Variants in NR1I2 observed in about 807,000 individuals in gnomAD.
NR1I2 encodes the protein nuclear receptor subfamily 1 group I member 2.
A neutral mutation model predicts 43.3 loss-of-function variants in NR1I2; 42 were observed. That is an observed-to-expected ratio of 0.97 (90% CI 0.76 to 1.26). The LOEUF (loss-of-function observed/expected upper bound fraction) is 1.26. Among genes scored for constraint, NR1I2 ranks in the 50% most tolerant of loss-of-function variants. The probability of loss-of-function intolerance (pLI) is 0.00; values close to 1 mark genes in which losing one functional copy is unlikely to be tolerated. For synonymous variants in NR1I2, 229 were observed against 215.0 expected (o/e 1.06, Z -0.57); for missense variants, 559 against 566.7 (o/e 0.99, Z 0.14).
At chr3:119,809,560 G>A (rs879817450) in intron 2 of NR1I2, among the ~76,000 whole-genome samples, 1 of 138,764 alleles carries the variant, frequency 7.2e-6, no homozygotes, top group Non-Finnish European at 1.6e-5. Flanking sequence ...GGGGAAGGCG[G>A]GGGGGAAGGC....
chr3:119,813,098 G>C (rs899403959), intron 5 of NR1I2, 138 bp downstream of exon 5: 12 of 980,588 alleles, frequency 1.2e-5, no homozygotes, highest in Non-Finnish European at 1.7e-5. Flanking sequence ...CTTTCCCCGG[G>C]CAGCCAGTGC....
intron 1 of NR1I2, among the ~76,000 whole-genome samples, chr3:119,793,093 G>A (rs1355685613): frequency 6.6e-6 from 1 of 151,988 alleles, no homozygotes; most frequent in Non-Finnish European, 1.5e-5. Context: ...ATGCCGGCTC[G>A]CACTTCACCT....
At position 119,815,388 on chromosome 3, in the gene NR1I2, C is replaced by T. The variant is rs758314203; in HGVS notation, c.1003C>T (p.Leu335=). Residue 335 remains leucine, a synonymous_variant, in exon 7 of 9, where the codon CTG becomes TTG. Coordinates refer to ENST00000393716, the MANE Select transcript of NR1I2 (RefSeq NM_003889.4). Reference sequence around the variant, plus strand: ...CCACTACATGCTGAAGAAGCTGCAGCTGCATGAGGAGGAGTATGTGCTGAT... The same window carrying T: ...CCACTACATGCTGAAGAAGCTGCAGTTGCATGAGGAGGAGTATGTGCTGAT... 1.7e-5 allele frequency: 28 copies of T among 1,613,734 alleles called. No homozygotes were observed. Among genetic ancestry groups the T allele is most frequent in the Non-Finnish European group, 2.3e-5 (27 of 1,180,022 alleles).
chr3:119,805,734 A>T (rs1217747968), intron 1 of NR1I2, among the ~76,000 whole-genome samples: 1 of 139,912 alleles, frequency 7.1e-6, no homozygotes, highest in Non-Finnish European at 1.6e-5. Context: ...AAAAGAAAAG[A>T]AAAGAAAAAA....
At chr3:119,794,332 A>G (rs555425408) in intron 1 of NR1I2, among the ~76,000 whole-genome samples, 7 of 151,738 alleles carry the variant, frequency 4.6e-5, no homozygotes, top group African/African-American at 1.7e-4. Context: ...AGCTGGGACC[A>G]CAGGTACGTG....
chr3:119,797,364 G>A (rs1455984575), intron 1 of NR1I2, among the ~76,000 whole-genome samples: 1 of 152,100 alleles, frequency 6.6e-6, no homozygotes, highest in African/African-American at 2.4e-5. Flanking sequence ...AGAGCTCAGT[G>A]GGCCAGGCAG....
At position 119,815,092 on chromosome 3, in the gene NR1I2, G is replaced by A. The variant is rs778054838; in HGVS notation, c.908G>A (p.Arg303Gln). ...GAGACTGGAACCTGGGAGTGTGGCC[G>A]GCTGTCCTACTGCTTGGAAGACACT... Residue 303 changes from arginine (R) to glutamine (Q), a missense_variant, in exon 6 of 9, where the codon CGG becomes CAG. Around this residue, in one of 3 missense-constraint regions of NR1I2, gnomAD observed 323 missense variants for 312.2 expected, o/e 1.03. Coordinates refer to ENST00000393716, the MANE Select transcript of NR1I2 (RefSeq NM_003889.4). 2.7e-5 allele frequency: 43 copies of A among 1,614,006 alleles called. No homozygotes were observed. The highest frequency in any genetic ancestry group is 1.5e-4 in the South Asian group (14 of 91,082).
In NR1I2 at chr3:119,818,227, G is replaced by T; in HGVS notation, c.*1015G>T. The T allele has an allele frequency of 2.0e-6, 2 of 985,728 alleles. No homozygotes were observed. Among genetic ancestry groups the T allele is most frequent in the Non-Finnish European group, 2.4e-6 (2 of 830,028 alleles). 61.1% of individuals were successfully genotyped at this position (985,728 alleles called of 1,614,324 possible). On this transcript the variant is annotated 3_prime_UTR_variant, in exon 9 of 9. Coordinates refer to ENST00000393716, the MANE Select transcript of NR1I2 (RefSeq NM_003889.4). ...TGGGTATGCTCTGTGACAAGGCTAC[G>T]CTGACAATCAGTTAAACACACCGGA...
intron 1 of NR1I2, chr3:119,792,505 C>T (rs1210844280): frequency 1.9e-6 from 2 of 1,077,734 alleles, no homozygotes; most frequent in Non-Finnish European, 2.8e-6. Flanking sequence ...CTTGGAACAT[C>T]ACCAATCTGC....
chr3:119,806,119 GGTGTCTGCC>G (rs756148011), intron 1 of NR1I2, among the ~76,000 whole-genome samples: 2 of 152,176 alleles, frequency 1.3e-5, no homozygotes, highest in Non-Finnish European at 2.9e-5. Context: ...CATCTGTGGT[GGTGTCTGCC>G]CTTGTCAGTC....
chr3:119,798,649 A>AAG (rs1553717560), intron 1 of NR1I2, among the ~76,000 whole-genome samples: 3 of 151,436 alleles, frequency 2.0e-5, no homozygotes, highest in Admixed American at 6.6e-5. Context: ...CAAAAAAAAA[A>AAG]AAAAAGAAAA....
chr3:119,811,560 TG>T lies in NR1I2; in HGVS notation c.355del (p.Glu119ArgfsTer6). 6.2e-7 allele frequency: 1 copy of T among 1,613,148 alleles called. No homozygotes were observed. The highest frequency in any genetic ancestry group is 1.3e-5 in the African/African-American group (1 of 74,934). ...GCAGTGATCATGTCCGACGAGGCCG[TG>T]GAGGAGAGGCGGGCCTTGATCAAGC... On this transcript the variant is annotated frameshift_variant, in exon 4 of 9. Coordinates refer to ENST00000393716, the MANE Select transcript of NR1I2 (RefSeq NM_003889.4). LOFTEE classifies it high-confidence loss of function.
At chr3:119,783,688 T>C (rs576872666) in intron 1 of NR1I2, among the ~76,000 whole-genome samples, 27 of 152,344 alleles carry the variant, frequency 1.8e-4, no homozygotes, top group African/African-American at 6.5e-4. Context: ...GAAAGCAGTA[T>C]AGATAAACCT....
chr3:119,800,710 G>T (rs2107961592), intron 1 of NR1I2, among the ~76,000 whole-genome samples: 1 of 152,264 alleles, frequency 6.6e-6, no homozygotes, highest in East Asian at 1.9e-4. Context: ...GGTCAGAGTG[G>T]CAGTAAGGTT....
chr3:119,809,037 C>A (rs904212975), intron 2 of NR1I2, among the ~76,000 whole-genome samples: 6 of 152,220 alleles, frequency 3.9e-5, no homozygotes, highest in African/African-American at 1.4e-4. Flanking sequence ...AAGCTCAAAC[C>A]TGCCAGGTCA....
intron 1 of NR1I2, among the ~76,000 whole-genome samples, chr3:119,790,008 T>C (rs2054894875): frequency 1.3e-5 from 2 of 152,296 alleles, no homozygotes; most frequent in South Asian, 2.1e-4. Flanking sequence ...ATGTGAAGTA[T>C]GTTTTCATCG....
chr3:119,816,773 A>G (rs1475898354), intron 8 of NR1I2, among the ~76,000 whole-genome samples: 1 of 151,022 alleles, frequency 6.6e-6, no homozygotes. Flanking sequence ...TGAGTCCATG[A>G]TCGTGCCATC....
At position 119,817,355 on chromosome 3, in the gene NR1I2, C is replaced by G. The variant is rs1173444203; in HGVS notation, c.*143C>G. On this transcript the variant is annotated 3_prime_UTR_variant, in exon 9 of 9. Transcript: ENST00000393716. ...TCTCCCTAGGGAATTCCTGCTATGA[C>G]AGCTGGCTAGCATTCCTCAGGAAGG... The G allele has an allele frequency of 6.5e-7, 1 of 1,538,240 alleles. No homozygotes were observed. The highest frequency in any genetic ancestry group is 8.7e-7 in the Non-Finnish European group (1 of 1,146,774).
chr3:119,806,370 A>G (rs1369233739), intron 1 of NR1I2, among the ~76,000 whole-genome samples: 1 of 152,144 alleles, frequency 6.6e-6, no homozygotes, highest in Admixed American at 6.5e-5. Flanking sequence ...CTGCAGCCTC[A>G]AACCCTCAGG....
Sources: allele counts gnomAD v4.1 joint callset (sites outside exome capture counted in the v4.1 genomes callset), GRCh38; gene constraint gnomAD v4.1.1; regional missense constraint gnomAD v4.1.1; transcripts MANE v1.5; gene names NCBI Gene and HGNC (gene_info 2026-07-23, HGNC 2026-07-21).